Variants in FRMPD4 observed in about 807,000 individuals in gnomAD.
FRMPD4 encodes the protein FERM and PDZ domain-containing protein 4.
A neutral mutation model predicts 94.1 loss-of-function variants in FRMPD4; 22 were observed. The observed-to-expected ratio is 0.23, with a 90% CI of 0.17 to 0.33. The LOEUF (loss-of-function observed/expected upper bound fraction) is 0.33, where lower values mean the gene tolerates loss of function less well. FRMPD4 is among the 10% of genes least tolerant of loss of function. The pLI, the probability that FRMPD4 is intolerant of heterozygous loss-of-function variation, is 1.00. For synonymous variants in FRMPD4, 631 were observed against 548.6 expected, an observed-to-expected ratio of 1.15 and a Z score of -2.10; for missense variants, 1,111 against 1,339.9, an observed-to-expected ratio of 0.83 and a Z score of 2.67.
At chrX:11,954,868 AG>A (rs1364048878) in intron 3 of FRMPD4, among the ~76,000 whole-genome samples, 2 of 110,844 alleles carry the variant, frequency 1.8e-5, no homozygotes, top group African/African-American at 6.6e-5. Context: ...AGAATAGGAA[AG>A]TCTTATTATC....
rs779850723 is a variant in FRMPD4, at chrX:11,892,689, C to T, written c.95+14671C>T. Among the ~76,000 whole-genome samples, 5 of 112,479 alleles carry T rather than the reference C, an allele frequency of 4.4e-5. No homozygotes were observed. In the East Asian group the frequency reaches 1.1e-3, roughly 25 times the overall value. On this transcript the variant is annotated intron_variant, in intron 3 of 18. Transcript: ENST00000640291. ...GCAAAGAATGAAAGAAGTCTAATCT[C>T]CCATTTCCTAGGGGTCTGCTGCTTT... is the stretch of plus-strand genomic sequence containing the variant.
rs930848777 is a variant in FRMPD4, at chrX:12,716,527, A to G, written c.2068A>G (p.Ile690Val). 3.3e-6 allele frequency: 4 copies of G among 1,207,048 alleles called. No homozygotes were observed. In the African/African-American group the frequency reaches 5.3e-5, roughly 16 times the overall value. ...GCTGGAGAAGCAGAGAAATCTCTAC[A>G]TTGGCAGTGCCAATGACATGAAGGG... is the stretch of plus-strand genomic sequence containing the variant. Reference protein sequence around the residue: ...EMLEKQRNLYIGSANDMKGLD... With the variant: ...EMLEKQRNLYVGSANDMKGLD... The change falls in exon 15 of 17, where the codon ATT becomes GTT. Residue 690 changes from isoleucine to valine, a missense_variant. This residue lies in a region of FRMPD4 where 192 missense variants were observed against 192.5 expected (regional missense o/e 1.00). Coordinates refer to ENST00000675598, the MANE Select transcript of FRMPD4 (RefSeq NM_001368397.1).
chrX:12,140,541 G>T (rs2055675371), intron 1 of FRMPD4, among the ~76,000 whole-genome samples: 1 of 112,137 alleles, frequency 8.9e-6, no homozygotes, highest in African/African-American at 3.2e-5. Context: ...AGGCTAAGTG[G>T]TACCCTCCGT....
intron 4 of FRMPD4, among the ~76,000 whole-genome samples, chrX:12,664,281 C>T (rs1286669897): frequency 8.9e-6 from 1 of 111,863 alleles, no homozygotes; most frequent in Non-Finnish European, 1.9e-5. Context: ...TGTCTTGTGC[C>T]GGTTTTTAAA....
At chrX:12,592,202 A>G (rs1206249893) in intron 2 of FRMPD4, among the ~76,000 whole-genome samples, 2 of 111,891 alleles carry the variant, frequency 1.8e-5, no homozygotes, top group Non-Finnish European at 3.8e-5. Flanking sequence ...GTCTATTACC[A>G]TTAGATCATA....
Position 12,491,221 on chromosome X carries a change from T to C in FRMPD4, c.42-7459T>C, listed in dbSNP as rs768984332. ...ATCCTAAGTATGAAAGTAATATATA[T>C]TCACTATAGGAAAAATATACAAAAT... On this transcript the variant is annotated intron_variant, in intron 1 of 16. Transcript: ENST00000675598. Among the ~76,000 whole-genome samples the C allele has an allele frequency of 1.3e-4, 15 of 111,219 alleles. No individual in the cohort carries two copies. In the South Asian group the frequency reaches 5.9e-3, roughly 43 times the overall value.
At chrX:12,392,250 A>G (rs1259351567) in intron 1 of FRMPD4, among the ~76,000 whole-genome samples, 2 of 105,702 alleles carry the variant, frequency 1.9e-5, no homozygotes, top group African/African-American at 3.4e-5. Flanking sequence ...CATGTTGGCC[A>G]GGTTGGTCTC....
At chrX:12,719,553 G>A (rs1227099801) in intron 16 of FRMPD4, among the ~76,000 whole-genome samples, 3 of 112,038 alleles carry the variant, frequency 2.7e-5, no homozygotes, top group African/African-American at 9.7e-5. Context: ...GTCATCAATA[G>A]TGTCTTTTCC....
intron 3 of FRMPD4, among the ~76,000 whole-genome samples, chrX:12,097,381 G>C (rs977656830): frequency 1.8e-5 from 2 of 112,202 alleles, no homozygotes; most frequent in Admixed American, 1.9e-4. Context: ...ATCTAAACCT[G>C]TGCAAATATT....
At chrX:12,394,607 A>T (rs1433117049) in intron 1 of FRMPD4, among the ~76,000 whole-genome samples, 1 of 111,281 alleles carries the variant, frequency 9.0e-6, no homozygotes, top group Non-Finnish European at 1.9e-5. Context: ...TCATTTGTCT[A>T]TATATCCATT....
chrX:12,059,222 C>T (rs2054871493), intron 3 of FRMPD4, among the ~76,000 whole-genome samples: 1 of 111,537 alleles, frequency 9.0e-6, no homozygotes, highest in Non-Finnish European at 1.9e-5. Flanking sequence ...TCCTTACTAA[C>T]TTGTGTACGC....
intron 3 of FRMPD4, among the ~76,000 whole-genome samples, chrX:11,960,131 A>C (rs2054276721): frequency 8.9e-6 from 1 of 111,755 alleles, no homozygotes; most frequent in East Asian, 2.8e-4. Flanking sequence ...TCACAGCACA[A>C]ATTATTACAA....
chrX:12,453,761 G>GAAAAA (rs10652104), intron 1 of FRMPD4, among the ~76,000 whole-genome samples: 3 of 109,539 alleles, frequency 2.7e-5, no homozygotes, highest in South Asian at 3.9e-4. Context: ...AACAGCATCT[G>GAAAAA]AAAAATTCAG....
chrX:11,992,075 T>A (rs1342335040), intron 3 of FRMPD4, among the ~76,000 whole-genome samples: 6 of 111,391 alleles, frequency 5.4e-5, no homozygotes, highest in African/African-American at 2.0e-4. Flanking sequence ...GCTCTAATTT[T>A]ATTCAGTGTG....
chrX:12,432,306 A>G (rs1188850969), intron 1 of FRMPD4, among the ~76,000 whole-genome samples: 1 of 112,425 alleles, frequency 8.9e-6, no homozygotes, highest in Non-Finnish European at 1.9e-5. Flanking sequence ...CCAAAATAGC[A>G]TGTCTTAGTT....
chrX:12,347,328 C>A (rs2055728753), intron 1 of FRMPD4, among the ~76,000 whole-genome samples: 1 of 111,035 alleles, frequency 9.0e-6, no homozygotes, highest in South Asian at 3.8e-4. Flanking sequence ...GCCTTAAACT[C>A]CTGTGCTCAA....
rs2059425406 is a variant in FRMPD4, at chrX:12,634,591, A to G, written c.422+19710A>G. On this transcript the variant is annotated intron_variant, in intron 4 of 16. Transcript: ENST00000675598. ...GAATAACCAAACACAGTAACAAAGG[A>G]AACCACTCTTAGGATTTATAATAAA... Among the ~76,000 whole-genome samples the G allele has an allele frequency of 7.2e-5, 8 of 111,606 alleles. No homozygotes were observed. The Admixed American group carries it at 7.7e-4, about 11-fold the overall frequency.
chrX:12,096,356 T>G (rs2055201223), intron 3 of FRMPD4, among the ~76,000 whole-genome samples: 1 of 112,640 alleles, frequency 8.9e-6, no homozygotes, highest in Non-Finnish European at 1.9e-5. Context: ...ATGTAGAATG[T>G]ATTTATTGAA....
At position 12,314,416 on chromosome X, in the gene FRMPD4, CT is replaced by C. The variant is rs201966539; in HGVS notation, c.41+175405del. Among the ~76,000 whole-genome samples the C allele has an allele frequency of 4.8e-3, 527 of 110,891 alleles. 1 individual carries two copies. The highest frequency in any genetic ancestry group is 0.016 in the African/African-American group (488 of 30,459). ...AAGCTTTAGGTTTCCCAAGAATCAC[CT>C]GGAGATCCCAGAGCTGGAACTGACT... On this transcript the variant is annotated intron_variant, in intron 1 of 16. Coordinates refer to ENST00000675598, the MANE Select transcript of FRMPD4 (RefSeq NM_001368397.1).
Sources: allele counts gnomAD v4.1 joint callset (sites outside exome capture counted in the v4.1 genomes callset), GRCh38; gene constraint gnomAD v4.1.1; regional missense constraint gnomAD v4.1.1; transcripts MANE v1.5; gene names NCBI Gene and HGNC (gene_info 2026-07-23, HGNC 2026-07-21).